ABCC4: variants seen among roughly 807,000 people sequenced by gnomAD.
ABCC4 encodes the protein ATP-binding cassette sub-family C member 4.
In ABCC4, 102 loss-of-function variants were observed where a neutral mutation model predicts 168.5. The observed-to-expected ratio is 0.61, with a 90% CI of 0.52 to 0.71. The LOEUF (loss-of-function observed/expected upper bound fraction) is 0.71. Among genes scored for constraint, ABCC4 ranks in the 30% least tolerant of loss-of-function variants. The pLI is 0.00. For missense variants in ABCC4, 1,402 were observed against 1,605.8 expected (o/e 0.87, Z 2.17); for synonymous variants, 617 against 590.7 (o/e 1.04, Z -0.65).
At chr13:95,139,292 G>A (rs2036238992) in intron 19 of ABCC4, among the ~76,000 whole-genome samples, 1 of 152,212 alleles carries the variant, frequency 6.6e-6, no homozygotes, top group African/African-American at 2.4e-5. Flanking sequence ...TTGTGGCTGG[G>A]CAGGATTGGC....
At chr13:95,086,087 T>TTGTG (rs55973195) in intron 20 of ABCC4, among the ~76,000 whole-genome samples, 14,168 of 141,998 alleles carry the variant, frequency 0.1, 859 homozygotes, top group Middle Eastern at 0.15. Flanking sequence ...TTTAAGGTTA[T>TTGTG]TGTGTGTGTG....
chr13:95,093,077 G>A (rs1041769662), intron 20 of ABCC4, among the ~76,000 whole-genome samples: 1 of 152,088 alleles, frequency 6.6e-6, no homozygotes, highest in South Asian at 2.1e-4. Context: ...AAAAGTCCAA[G>A]ACCAGACAGA....
At chr13:95,248,386 G>A (rs2040166459) in intron 1 of ABCC4, among the ~76,000 whole-genome samples, 4 of 151,972 alleles carry the variant, frequency 2.6e-5, no homozygotes. Flanking sequence ...AGGTTTGATG[G>A]GACATTTACA....
chr13:95,225,153 T>TCTCACACACACA (rs1360466403), intron 4 of ABCC4, among the ~76,000 whole-genome samples: 4 of 35,222 alleles, frequency 1.1e-4, no homozygotes, highest in African/African-American at 2.5e-4. Context: ...TCTCTCTCTC[T>TCTCACACACACA]CACACACACA....
At chr13:95,042,727 G>A (rs1427503583) in intron 29 of ABCC4, among the ~76,000 whole-genome samples, 1 of 152,216 alleles carries the variant, frequency 6.6e-6, no homozygotes, top group Non-Finnish European at 1.5e-5. Context: ...GAAGCTGATT[G>A]ATCAGATTTA....
rs1438103514 is a variant in ABCC4 at position 95,240,121 on chromosome 13, T to C, written c.307-5287A>G. Among the ~76,000 whole-genome samples the C allele has an allele frequency of 3.9e-5, 6 of 152,014 alleles. No individual in the cohort carries two copies. In the East Asian group the frequency reaches 7.7e-4, roughly 20 times the overall value. The stretch of plus-strand genomic sequence containing the variant: ...CTAACTACTAACTTCTGGTACCAGA[T>C]GGACATGTTAAATGATACAGCATGC... On this transcript the variant is annotated intron_variant, in intron 3 of 30. Coordinates refer to ENST00000645237, the MANE Select transcript of ABCC4 (RefSeq NM_005845.5).
In ABCC4 at chr13:95,194,731, A is replaced by T. The variant is rs144308864; in HGVS notation, c.1263+105T>A. The T allele has an allele frequency of 7.7e-5, 63 of 820,756 alleles. No individual in the cohort carries two copies. In the African/African-American group the frequency reaches 1.1e-3, roughly 14 times the overall value. 50.8% of individuals were successfully genotyped at this position (820,756 alleles called of 1,614,324 possible). On this transcript the variant is annotated intron_variant, in intron 9 of 30. Transcript: ENST00000645237. ...TCTTTGTAACATAGTTTCAGTAAAT[A>T]AGCAAGCCATATTTTATACCATGTG...
intron 1 of ABCC4, among the ~76,000 whole-genome samples, chr13:95,262,236 G>A (rs1007374971): frequency 2.0e-5 from 3 of 152,216 alleles, no homozygotes; most frequent in South Asian, 2.1e-4. Context: ...CAAACAAGAG[G>A]ACTGAGCAAA....
Position 95,177,694 on chromosome 13 carries a change from C to G in ABCC4, c.1727+13G>C, listed in dbSNP as rs1454105844. ...GGAAAAGCAGAAATGACTTAAGACA[C>G]AAACACACTCACAGTTCGAACAAGT... On this transcript the variant is annotated intron_variant, in intron 13 of 30. Coordinates refer to ENST00000645237, the MANE Select transcript of ABCC4 (RefSeq NM_005845.5). 11 of 1,600,188 alleles carry G rather than the reference C, an allele frequency of 6.9e-6. No homozygotes were observed. The highest frequency in any genetic ancestry group is 2.2e-5 in the South Asian group (2 of 89,668).
chr13:95,061,621 T>C (rs1434998996), intron 26 of ABCC4, among the ~76,000 whole-genome samples: 1 of 149,270 alleles, frequency 6.7e-6, no homozygotes, highest in Non-Finnish European at 1.5e-5. Flanking sequence ...TGTGTGTGTG[T>C]GTGTGTGTGT....
At chr13:95,033,662 CTTTT>C (rs56165679) in intron 30 of ABCC4, among the ~76,000 whole-genome samples, 3 of 133,714 alleles carry the variant, frequency 2.2e-5, no homozygotes, top group Admixed American at 7.6e-5. Flanking sequence ...GCAATTACAT[CTTTT>C]TTTTTTTTTT....
At chr13:95,128,761 G>A (rs925387688) in intron 19 of ABCC4, among the ~76,000 whole-genome samples, 1 of 152,106 alleles carries the variant, frequency 6.6e-6, no homozygotes, top group African/African-American at 2.4e-5. Context: ...AACATTTTTG[G>A]TTCCCTGAAC....
chr13:95,111,090 T>C (rs1264164348), intron 20 of ABCC4, among the ~76,000 whole-genome samples: 1 of 152,012 alleles, frequency 6.6e-6, no homozygotes, highest in African/African-American at 2.4e-5. Flanking sequence ...TACGCAAACA[T>C]ACTATGTTTT....
At chr13:95,179,612 C>G (rs2037823703) in intron 11 of ABCC4, among the ~76,000 whole-genome samples, 1 of 152,160 alleles carries the variant, frequency 6.6e-6, no homozygotes, top group South Asian at 2.1e-4. Context: ...GAAATCTTTA[C>G]TTGGATGGCC....
intron 25 of ABCC4, among the ~76,000 whole-genome samples, chr13:95,071,155 C>T (rs897996606): frequency 6.6e-6 from 1 of 152,144 alleles, no homozygotes; most frequent in African/African-American, 2.4e-5. Flanking sequence ...CTGAGGCCTC[C>T]CCATCCATGT....
intron 30 of ABCC4, among the ~76,000 whole-genome samples, chr13:95,033,070 A>G (rs982833315): frequency 3.3e-5 from 5 of 149,810 alleles, no homozygotes; most frequent in African/African-American, 1.2e-4. Context: ...CCCAGGTTCA[A>G]GTGATTTTCC....
intron 19 of ABCC4, among the ~76,000 whole-genome samples, chr13:95,120,766 G>A (rs1415433650): frequency 6.6e-6 from 1 of 152,142 alleles, no homozygotes; most frequent in Non-Finnish European, 1.5e-5. Context: ...CTGTCCCAAA[G>A]AGCAGAGTCT....
At chr13:95,217,279 T>C (rs565929062) in intron 4 of ABCC4, among the ~76,000 whole-genome samples, 3 of 152,344 alleles carry the variant, frequency 2.0e-5, no homozygotes, top group East Asian at 1.9e-4. Context: ...TGTGGCCACA[T>C]AAATATCACC....
chr13:95,122,804 C>G (rs1312532854), intron 19 of ABCC4, among the ~76,000 whole-genome samples: 1 of 142,394 alleles, frequency 7.0e-6, no homozygotes, highest in East Asian at 2.1e-4. Flanking sequence ...GATAACTGTG[C>G]TGCTTTTCTC....
Sources: gnomAD v4.1 joint callset for allele counts (sites outside exome capture counted in the v4.1 genomes callset) on GRCh38, gnomAD v4.1.1 for gene constraint, MANE v1.5 for transcripts, NCBI Gene and HGNC (gene_info 2026-07-23, HGNC 2026-07-21) for gene names.